Variants in FREM1 observed in about 807,000 individuals in gnomAD.
FREM1 encodes the protein FRAS1 related extracellular matrix 1, also known as FRAS1-related extracellular matrix protein 1.
FREM1 carries 220 observed loss-of-function variants against 210.1 expected under a neutral mutation model. That is an observed-to-expected ratio of 1.05 (90% CI 0.94 to 1.17). FREM1 has a LOEUF of 1.17. Ranked by LOEUF, FREM1 falls within the 50% of genes most tolerant of loss-of-function variation. The pLI is 0.00. For synonymous variants in FREM1, 1,189 were observed against 980.2 expected (o/e 1.21, Z -3.98); for missense variants, 3,454 against 2,675.5 (o/e 1.29, Z -6.42).
chr9:14,792,287 C>A (rs1418297855), intron 22 of FREM1, among the ~76,000 whole-genome samples: 3 of 143,228 alleles, frequency 2.1e-5, no homozygotes, highest in African/African-American at 7.6e-5. Context: ...CACACACACA[C>A]ACACACACAC....
chr9:14,804,143 T>C (rs17220118), intron 19 of FREM1, among the ~76,000 whole-genome samples: 1 of 151,992 alleles, frequency 6.6e-6, no homozygotes, highest in African/African-American at 2.4e-5. Flanking sequence ...AGCCCAGCTA[T>C]CTACAAAATA....
At position 14,740,186 on chromosome 9, in the gene FREM1, C is replaced by T; in HGVS notation, c.6303G>A (p.Trp2101Ter). 2 of 1,613,186 alleles carry T rather than the reference C, an allele frequency of 1.2e-6. No homozygotes were observed. ...ACTTTCTCCCACCAATGTCCCAGAG[C>T]CACCGCATGTGCTGCCTGGAGAATA... ...VTVFSRQHMRWLWDIGGRKSF... is the reference protein window; with the variant it reads ...VTVFSRQHMR The change falls in exon 36 of 37, where the codon TGG becomes TGA. Residue 2101 changes from tryptophan (W) to a stop codon, truncating the protein, a stop_gained. Transcript: ENST00000380880. LOFTEE classifies it high-confidence loss of function.
At chr9:14,788,803 A>G (rs932750884) in intron 23 of FREM1, 116 bp downstream of exon 23, 2 of 797,776 alleles carry the variant, frequency 2.5e-6, no homozygotes, top group Non-Finnish European at 3.9e-6. Flanking sequence ...TCAAAGATGA[A>G]GAGTGGCAGG....
chr9:14,750,081 A>G (rs765794118), intron 30 of FREM1, 46 bp downstream of exon 30: 22 of 1,594,734 alleles, frequency 1.4e-5, no homozygotes, highest in Non-Finnish European at 1.7e-5. Context: ...CAAGAGCTAC[A>G]GCGCCAGGAC....
At chr9:14,855,625 T>G (rs529028085) in intron 5 of FREM1, among the ~76,000 whole-genome samples, 3 of 152,316 alleles carry the variant, frequency 2.0e-5, no homozygotes, top group East Asian at 3.9e-4. Context: ...CAGCTATATT[T>G]ATTTTCTTCT....
At chr9:14,891,354 A>G (rs918641084) in intron 1 of FREM1, among the ~76,000 whole-genome samples, 12 of 152,244 alleles carry the variant, frequency 7.9e-5, no homozygotes, top group African/African-American at 2.9e-4. Context: ...TTGTGAAGAC[A>G]AAAATGACAA....
intron 10 of FREM1, among the ~76,000 whole-genome samples, chr9:14,834,168 C>T (rs1056060647): frequency 3.9e-5 from 6 of 152,106 alleles, no homozygotes; most frequent in African/African-American, 7.2e-5. Flanking sequence ...CAGAGAAGCA[C>T]GCTCTTAGCC....
intron 13 of FREM1, 64 bp downstream of exon 13, chr9:14,823,096 T>C: frequency 8.2e-7 from 1 of 1,226,658 alleles, no homozygotes; most frequent in Non-Finnish European, 1.1e-6. Context: ...CCATTTCTAG[T>C]AGGTCTTCAA....
chr9:14,848,630 G>T lies in FREM1; in HGVS notation c.1261+35C>A, dbSNP rs547465524. The T allele has an allele frequency of 8.8e-6, 11 of 1,249,818 alleles. No individual in the cohort carries two copies. The Admixed American group carries it at 1.4e-4, about 15-fold the overall frequency. The allele number at this position is 1,249,818 out of a possible 1,614,324, so 77.4% of individuals were successfully genotyped here. A position where few individuals can be genotyped will look rare whatever the true frequency, so the allele number is the denominator to read the frequency against. On this transcript the variant is annotated intron_variant, in intron 7 of 36. Transcript: ENST00000380880. ...ATCTACTTTCTTGTATTCCCTTCAGGGCTATGTTGCTCTATGCCTTATATT... is the reference window on the plus strand; with the variant it reads ...ATCTACTTTCTTGTATTCCCTTCAGTGCTATGTTGCTCTATGCCTTATATT...
intron 24 of FREM1, among the ~76,000 whole-genome samples, chr9:14,780,592 C>G (rs1373882432): frequency 6.6e-6 from 1 of 152,074 alleles, no homozygotes; most frequent in African/African-American, 2.4e-5. Flanking sequence ...CCAGCAGCAC[C>G]AAACAATGCA....
chr9:14,769,266 T>C (rs879770825), intron 27 of FREM1, among the ~76,000 whole-genome samples: 7 of 152,228 alleles, frequency 4.6e-5, no homozygotes, highest in Non-Finnish European at 7.3e-5. Context: ...TAATTGTAAT[T>C]TTCTTCATAA....
At chr9:14,887,454 C>T (rs973902754) in intron 1 of FREM1, among the ~76,000 whole-genome samples, 2 of 152,188 alleles carry the variant, frequency 1.3e-5, no homozygotes, top group Non-Finnish European at 2.9e-5. Flanking sequence ...TGGGAAGACA[C>T]AACTGTAAAG....
chr9:14,860,853 G>GTA (rs1198057769), intron 3 of FREM1, among the ~76,000 whole-genome samples: 2 of 47,244 alleles, frequency 4.2e-5, no homozygotes, highest in Non-Finnish European at 6.8e-5. Flanking sequence ...ACATATATAC[G>GTA]TATATATACA....
intron 22 of FREM1, among the ~76,000 whole-genome samples, chr9:14,792,279 C>CAT (rs1851529423): frequency 1.5e-5 from 2 of 137,440 alleles, no homozygotes; most frequent in South Asian, 4.8e-4. Flanking sequence ...CACGCACACA[C>CAT]ACACACACAC....
Position 14,842,552 on chromosome 9 carries a change from T to G in FREM1, c.1502A>C (p.Asp501Ala). 1 of 1,613,904 alleles carries G rather than the reference T, an allele frequency of 6.2e-7. No individual in the cohort carries two copies. The highest frequency in any genetic ancestry group is 1.1e-5 in the South Asian group (1 of 91,076). ...TTTGTGACGGATGCTGTGATGGCCATCAAATATCCGGAAGACCACGAAGTC... is the reference window on the plus strand; with the variant it reads ...TTTGTGACGGATGCTGTGATGGCCAGCAAATATCCGGAAGACCACGAAGTC... Reference protein sequence around the residue: ...TKDFVVFRIFDGHHSIRHKFP... With the variant: ...TKDFVVFRIFAGHHSIRHKFP... The change falls in exon 9 of 37, where the codon GAT (aspartate) becomes GCT (alanine). Residue 501 changes from aspartate to alanine, a missense_variant. Coordinates refer to ENST00000380880, the MANE Select transcript of FREM1 (RefSeq NM_001379081.2).
chr9:14,845,146 A>G (rs1826352797), intron 8 of FREM1, among the ~76,000 whole-genome samples: 1 of 152,210 alleles, frequency 6.6e-6, no homozygotes, highest in Non-Finnish European at 1.5e-5. Flanking sequence ...GGAATGACTT[A>G]TTTTATCATA....
chr9:14,797,702 T>C (rs958567338), intron 20 of FREM1, 60 bp from the exon 21 acceptor site: 1 of 1,374,220 alleles, frequency 7.3e-7, no homozygotes, highest in Non-Finnish European at 1.0e-6. Context: ...ATGACATATG[T>C]CACAGATAAT....
At position 14,884,740 on chromosome 9, in the gene FREM1, G is replaced by C. The variant is rs542447267; in HGVS notation, c.-267-15496C>G. 2.6e-5 allele frequency among the ~76,000 whole-genome samples: 4 copies of C among 152,150 alleles called. No individual in the cohort carries two copies. In the East Asian group the frequency reaches 7.7e-4, roughly 29 times the overall value. On this transcript the variant is annotated intron_variant, in intron 1 of 36. Coordinates refer to ENST00000380880, the MANE Select transcript of FREM1 (RefSeq NM_001379081.2). ...AAAAAAAATGGATCTCAGCTGTACA[G>C]CTCTCAATGCAATGGAAATTCTTAA...
intron 1 of FREM1, among the ~76,000 whole-genome samples, chr9:14,907,513 TCTCC>T (rs1248125936): frequency 6.6e-6 from 1 of 152,064 alleles, no homozygotes; most frequent in Non-Finnish European, 1.5e-5. Flanking sequence ...ACCACCCAGC[TCTCC>T]AAAGGAGTAG....
Sources: allele counts gnomAD v4.1 joint callset (sites outside exome capture counted in the v4.1 genomes callset), GRCh38; gene constraint gnomAD v4.1.1; transcripts MANE v1.5; gene names NCBI Gene and HGNC (gene_info 2026-07-23, HGNC 2026-07-21).